Variants in TAFA2 observed in about 807,000 individuals in gnomAD.
TAFA2 encodes TAFA chemokine like family member 2.
Under a neutral mutation model 18.8 loss-of-function variants are expected in TAFA2, and 7 were observed. The observed-to-expected ratio is 0.37, with a 90% CI of 0.21 to 0.70. The LOEUF is 0.70. Among genes scored for constraint, TAFA2 ranks in the 30% least tolerant of loss-of-function variants. TAFA2 has a pLI of 0.53. For missense variants in TAFA2, 122 were observed against 158.1 expected (o/e 0.77, Z 1.23); for synonymous variants, 60 against 54.2 (o/e 1.11, Z -0.47).
intron 1 of TAFA2, among the ~76,000 whole-genome samples, chr12:62,244,584 A>G (rs1308050322): frequency 6.6e-6 from 1 of 152,186 alleles, no homozygotes; most frequent in Non-Finnish European, 1.5e-5. Context: ...TCACTACGGT[A>G]GATTCCAAGA....
At chr12:61,801,510 G>T (rs1871396279) in intron 2 of TAFA2, among the ~76,000 whole-genome samples, 1 of 151,912 alleles carries the variant, frequency 6.6e-6, no homozygotes, top group South Asian at 2.1e-4. Flanking sequence ...AATGAAGAAA[G>T]AACACTCTCT....
chr12:61,723,260 G>C (rs892071211), intron 4 of TAFA2, among the ~76,000 whole-genome samples: 1 of 152,042 alleles, frequency 6.6e-6, no homozygotes, highest in African/African-American at 2.4e-5. Flanking sequence ...ACGAGGTATT[G>C]GAGAAAAAGA....
chr12:62,006,487 C>T (rs922983413), intron 1 of TAFA2, among the ~76,000 whole-genome samples: 1 of 152,018 alleles, frequency 6.6e-6, no homozygotes, highest in Non-Finnish European at 1.5e-5. Context: ...ATATCATATA[C>T]ACTTAAAATG....
intron 1 of TAFA2, among the ~76,000 whole-genome samples, chr12:62,066,088 A>G (rs1882478524): frequency 1.3e-5 from 2 of 150,744 alleles, no homozygotes; most frequent in Admixed American, 1.3e-4. Flanking sequence ...CCCCATTCAA[A>G]TAAAAGGCTG....
At chr12:61,794,243 C>A (rs559569795) in intron 2 of TAFA2, among the ~76,000 whole-genome samples, 1 of 151,976 alleles carries the variant, frequency 6.6e-6, no homozygotes, top group South Asian at 2.1e-4. Flanking sequence ...TATAAAGTAT[C>A]CAGATTGGAA....
intron 4 of TAFA2, among the ~76,000 whole-genome samples, chr12:61,718,774 T>C (rs1011603235): frequency 6.6e-6 from 1 of 152,190 alleles, no homozygotes; most frequent in African/African-American, 2.4e-5. Flanking sequence ...GAAGAGTAAT[T>C]TGAATTGATA....
At chr12:61,719,429 C>A (rs894422730) in intron 4 of TAFA2, among the ~76,000 whole-genome samples, 21 of 152,232 alleles carry the variant, frequency 1.4e-4, no homozygotes, top group African/African-American at 5.1e-4. Flanking sequence ...AGGGTTTTTG[C>A]ATGCCTGACA....
intron 4 of TAFA2, among the ~76,000 whole-genome samples, chr12:61,738,843 G>A (rs1458458290): frequency 1.3e-5 from 2 of 152,034 alleles, no homozygotes; most frequent in South Asian, 4.1e-4. Flanking sequence ...GTTTAAGTAT[G>A]AATAGAGATA....
intron 1 of TAFA2, among the ~76,000 whole-genome samples, chr12:61,875,926 A>G (rs2121252583): frequency 6.6e-6 from 1 of 152,266 alleles, no homozygotes; most frequent in African/African-American, 2.4e-5. Flanking sequence ...TGCTAGGTGG[A>G]GGACCATTAT....
intron 1 of TAFA2, among the ~76,000 whole-genome samples, chr12:61,954,468 A>G (rs891008953): frequency 6.6e-6 from 1 of 152,142 alleles, no homozygotes; most frequent in Non-Finnish European, 1.5e-5. Flanking sequence ...AACAAGAGTC[A>G]TCTCATTCAT....
chr12:61,861,842 A>T (rs1001892638), intron 2 of TAFA2, among the ~76,000 whole-genome samples: 3 of 152,228 alleles, frequency 2.0e-5, no homozygotes, highest in Non-Finnish European at 4.4e-5. Context: ...AATAAAATTT[A>T]AAAAATTTTG....
At chr12:62,159,765 G>C (rs1359224192) in intron 1 of TAFA2, among the ~76,000 whole-genome samples, 1 of 152,144 alleles carries the variant, frequency 6.6e-6, no homozygotes, top group Admixed American at 6.5e-5. Flanking sequence ...AGTGTATACT[G>C]CTCGGGTGAT....
At chr12:62,221,340 A>G (rs1348968662) in intron 1 of TAFA2, among the ~76,000 whole-genome samples, 1 of 152,146 alleles carries the variant, frequency 6.6e-6, no homozygotes, top group Non-Finnish European at 1.5e-5. Context: ...TCATTTTTGT[A>G]TTCTTTGATA....
chr12:62,020,499 C>T (rs1359934716), intron 1 of TAFA2, among the ~76,000 whole-genome samples: 1 of 152,138 alleles, frequency 6.6e-6, no homozygotes, highest in Non-Finnish European at 1.5e-5. Context: ...TAGAAATGGG[C>T]ATGGTGTTTT....
At chr12:61,850,031 A>G (rs1387103419) in intron 2 of TAFA2, among the ~76,000 whole-genome samples, 1 of 152,134 alleles carries the variant, frequency 6.6e-6, no homozygotes, top group Non-Finnish European at 1.5e-5. Flanking sequence ...TAGGTCATGC[A>G]TTTTCAACAG....
intron 1 of TAFA2, among the ~76,000 whole-genome samples, chr12:62,058,873 G>A (rs1882260204): frequency 1.3e-5 from 2 of 152,182 alleles, no homozygotes; most frequent in African/African-American, 2.4e-5. Context: ...GGAGGCCAAG[G>A]AGGGCGGATC....
At chr12:62,093,899 T>G (rs12815741) in intron 1 of TAFA2, among the ~76,000 whole-genome samples, 28,270 of 151,954 alleles carry the variant, frequency 0.19, 2,875 homozygotes, top group East Asian at 0.39. Flanking sequence ...AAAGTCAAAT[T>G]TCCTTGTAAA....
intron 1 of TAFA2, among the ~76,000 whole-genome samples, chr12:62,081,201 A>G (rs1868318282): frequency 1.3e-5 from 2 of 152,230 alleles, no homozygotes; most frequent in Admixed American, 6.5e-5. Flanking sequence ...TCTCACAAAA[A>G]AAATTCCCCT....
At chr12:61,745,274 G>A (rs1412764668) in intron 4 of TAFA2, among the ~76,000 whole-genome samples, 2 of 151,946 alleles carry the variant, frequency 1.3e-5, no homozygotes, top group African/African-American at 2.4e-5. Context: ...CATTCTATTT[G>A]TTTAGGACAA....
Sources: gnomAD v4.1 joint callset for allele counts (sites outside exome capture counted in the v4.1 genomes callset) on GRCh38, gnomAD v4.1.1 for gene constraint, MANE v1.5 for transcripts, NCBI Gene and HGNC (gene_info 2026-07-23, HGNC 2026-07-21) for gene names.